Variants in FYB2 observed in about 807,000 individuals in gnomAD.
FYB2 encodes FYN binding protein 2, also known as FYN-binding protein 2.
In FYB2, 103 loss-of-function variants were observed where a neutral mutation model predicts 94.1. The observed-to-expected ratio is 1.09, with a 90% confidence interval of 0.93 to 1.29. FYB2 has a LOEUF of 1.29. FYB2 is among the 50% of genes most tolerant of loss of function. FYB2 has a pLI of 0.00. For synonymous variants in FYB2, 293 were observed against 287.9 expected, an observed-to-expected ratio of 1.02 and a Z score of -0.18; for missense variants, 896 against 841.5, an observed-to-expected ratio of 1.06 and a Z score of -0.80.
At position 56,792,723 on chromosome 1, in the gene FYB2, G is replaced by GA; in HGVS notation, c.89dup (p.Ala32SerfsTer8). 1.2e-6 allele frequency: 2 copies of GA among 1,614,060 alleles called. No individual in the cohort carries two copies. Among genetic ancestry groups the GA allele is most frequent in the Non-Finnish European group, 1.7e-6 (2 of 1,179,994 alleles). ...CACCCTTTGGAGAAACACCTGCTGG[G>GA]AATTTAATAGGTCCTGGAAGAGGTG... On this transcript the variant is annotated frameshift_variant, in exon 2 of 20. Coordinates refer to ENST00000343433, the MANE Select transcript of FYB2 (RefSeq NM_001004303.5). LOFTEE classifies it high-confidence loss of function.
At chr1:56,754,368 T>A (rs149486221) in intron 7 of FYB2, among the ~76,000 whole-genome samples, 1 of 152,070 alleles carries the variant, frequency 6.6e-6, no homozygotes, top group African/African-American at 2.4e-5. Context: ...ATACTGCTGG[T>A]AAATACAATG....
At chr1:56,820,226 CAAA>C (rs112651204), upstream of FYB2, among the ~76,000 whole-genome samples, 4 of 122,670 alleles carry the variant, frequency 3.3e-5, no homozygotes, top group South Asian at 3.0e-4. Flanking sequence ...GACTCCGTCT[CAAA>C]AAAAAAAAAA....
At chr1:56,817,144 G>T (rs141603289) in intron 1 of FYB2, among the ~76,000 whole-genome samples, 1 of 152,046 alleles carries the variant, frequency 6.6e-6, no homozygotes, top group African/African-American at 2.4e-5. Flanking sequence ...TCTCCATTTC[G>T]CTCAGAGGAA....
intron 1 of FYB2, among the ~76,000 whole-genome samples, chr1:56,800,583 G>T (rs1276438156): frequency 1.3e-5 from 2 of 152,144 alleles, no homozygotes; most frequent in African/African-American, 4.8e-5. Flanking sequence ...AAGAATACCA[G>T]CTCCATTAAA....
At chr1:56,746,714 C>T (rs1645075347) in intron 9 of FYB2, among the ~76,000 whole-genome samples, 1 of 151,926 alleles carries the variant, frequency 6.6e-6, no homozygotes, top group Non-Finnish European at 1.5e-5. Flanking sequence ...GGCATCTGGA[C>T]AGTTTCCAAT....
chr1:56,775,955 TCA>T (rs909363532), intron 4 of FYB2, among the ~76,000 whole-genome samples: 2 of 152,212 alleles, frequency 1.3e-5, no homozygotes, highest in African/African-American at 4.8e-5. Flanking sequence ...ATGCATTATC[TCA>T]CATAATCCTC....
chr1:56,815,078 C>T (rs1646851447), intron 1 of FYB2, among the ~76,000 whole-genome samples: 1 of 152,138 alleles, frequency 6.6e-6, no homozygotes, highest in South Asian at 2.1e-4. Flanking sequence ...TTTCAATATC[C>T]AGATCCTATT....
At chr1:56,825,343 C>T in the FYB2 span, among the ~76,000 whole-genome samples, 40,358 of 151,896 alleles carry the variant, frequency 0.27, 5,475 homozygotes, top group Middle Eastern at 0.3. Flanking sequence ...GAGAAGAGTG[C>T]TATAAACAAG....
In FYB2 at chr1:56,751,199, T is replaced by A. The variant is rs889845405; in HGVS notation, c.1232A>T (p.Asp411Val). 3 of 1,612,212 alleles carry A rather than the reference T, an allele frequency of 1.9e-6. No homozygotes were observed. Among genetic ancestry groups the A allele is most frequent in the Non-Finnish European group, 2.5e-6 (3 of 1,179,008 alleles). Residue 411 changes from aspartate to valine, a missense_variant, in exon 9 of 20, where the codon GAT becomes GTT. By Grantham distance (152) the Asp-to-Val change is radical. Transcript: ENST00000343433. Reference protein sequence around the residue: ...EPYSNHVFKVDACEGTPEKIQ... With the variant: ...EPYSNHVFKVVACEGTPEKIQ... ...TTTTTCAGGTGTCCCTTCACAGGCA[T>A]CTACCTAAACATATGCAAAAGGGAG...
In FYB2 at chr1:56,758,727, C is replaced by G; in HGVS notation, c.1087G>C (p.Glu363Gln). The G allele has an allele frequency of 6.3e-7, 1 of 1,593,976 alleles. No homozygotes were observed. Among genetic ancestry groups the G allele is most frequent in the Non-Finnish European group, 8.6e-7 (1 of 1,169,454 alleles). Residue 363 changes from glutamate to glutamine, a missense_variant, in exon 6 of 20, where the codon GAA (glutamate) becomes CAA (glutamine). Physicochemically the swap from Glu to Gln is conservative, Grantham distance 29. Transcript: ENST00000343433. ...AGGAGAAACAATACCTTTTGGAGTTCTTCAATTCCAACTTCATAAGTTGCT... is the reference window on the plus strand; with the variant it reads ...AGGAGAAACAATACCTTTTGGAGTTGTTCAATTCCAACTTCATAAGTTGCT... ...ADPTYEVGIE[E>Q]LQKPGKNFPY...
intron 4 of FYB2, among the ~76,000 whole-genome samples, chr1:56,785,277 G>T (rs1333821338): frequency 2.6e-5 from 4 of 152,152 alleles, no homozygotes; most frequent in Admixed American, 2.6e-4. Context: ...GTTAAACACA[G>T]CAGTCACCTT....
At chr1:56,770,009 C>T (rs1323714739) in intron 4 of FYB2, among the ~76,000 whole-genome samples, 1 of 151,794 alleles carries the variant, frequency 6.6e-6, no homozygotes, top group Admixed American at 6.6e-5. Context: ...AATATTAGAC[C>T]AACTTCAGTG....
At chr1:56,757,838 C>T (rs1645393278) in intron 6 of FYB2, among the ~76,000 whole-genome samples, 2 of 150,078 alleles carry the variant, frequency 1.3e-5, no homozygotes, top group African/African-American at 2.5e-5. Flanking sequence ...GGTACAATAT[C>T]GGCTCGCTGC....
intron 17 of FYB2, among the ~76,000 whole-genome samples, chr1:56,723,110 G>C (rs973861222): frequency 2.0e-5 from 3 of 151,930 alleles, no homozygotes; most frequent in African/African-American, 7.2e-5. Flanking sequence ...CAAACACTGT[G>C]CTTACAGTTT....
Position 56,783,783 on chromosome 1 carries a change from C to G in FYB2, c.953+3392G>C, listed in dbSNP as rs566890996. 1.1e-4 allele frequency among the ~76,000 whole-genome samples: 16 copies of G among 152,200 alleles called. 1 individual carries two copies. In the South Asian group the frequency reaches 1.7e-3, roughly 16 times the overall value. ...GTAAATGTTTGGCCCATAGTGGATG[C>G]TCAATAAATACATGTTGAATGAATA... On this transcript the variant is annotated intron_variant, in intron 4 of 19. Transcript: ENST00000343433.
intron 14 of FYB2, among the ~76,000 whole-genome samples, chr1:56,738,376 A>G (rs1334645167): frequency 6.6e-6 from 1 of 152,132 alleles, no homozygotes; most frequent in Non-Finnish European, 1.5e-5. Flanking sequence ...GGATGATAAC[A>G]TTTATTTTTC....
At position 56,743,927 on chromosome 1, in the gene FYB2, T is replaced by C. The variant is rs1645012574; in HGVS notation, c.1543+99A>G. 1.6e-5 allele frequency: 21 copies of C among 1,334,286 alleles called. No individual in the cohort carries two copies. The South Asian group carries it at 2.6e-4, about 17-fold the overall frequency. The allele number at this position is 1,334,286 out of a possible 1,614,324, so 82.7% of individuals were successfully genotyped here. On this transcript the variant is annotated intron_variant, in intron 11 of 19. Transcript: ENST00000343433. ...CTTAGCTTCCCACAAATTGGCATTA[T>C]TAAAATATGAATAATTAAAAGACAT...
At chr1:56,726,427 G>A (rs1366695956) in intron 16 of FYB2, 70 bp downstream of exon 16, 2 of 1,382,374 alleles carry the variant, frequency 1.4e-6, no homozygotes, top group Non-Finnish European at 2.0e-6. Flanking sequence ...ACTTATCTGA[G>A]GCCACACAGC....
At chr1:56,721,733 C>CTGTT (rs1644489550) in intron 17 of FYB2, among the ~76,000 whole-genome samples, 1 of 152,082 alleles carries the variant, frequency 6.6e-6, no homozygotes, top group African/African-American at 2.4e-5. Context: ...TGAATACATG[C>CTGTT]TGTTTACTTG....
Sources: allele counts gnomAD v4.1 joint callset (sites outside exome capture counted in the v4.1 genomes callset), GRCh38; gene constraint gnomAD v4.1.1; transcripts MANE v1.5; gene names NCBI Gene and HGNC (gene_info 2026-07-23, HGNC 2026-07-21).